Variants in LRRC4C observed in about 807,000 individuals in gnomAD.
LRRC4C encodes leucine-rich repeat-containing protein 4C.
A neutral mutation model predicts 33.6 loss-of-function variants in LRRC4C; 5 were observed. The observed-to-expected ratio is 0.15, with a 90% CI of 0.08 to 0.31. The LOEUF (loss-of-function observed/expected upper bound fraction) is 0.31. Among genes scored for constraint, LRRC4C ranks in the 10% least tolerant of loss-of-function variants. LRRC4C has a pLI of 1.00. For missense variants in LRRC4C, 560 were observed against 796.7 expected, an observed-to-expected ratio of 0.70 and a Z score of 3.58; for synonymous variants, 329 against 302.0, an observed-to-expected ratio of 1.09 and a Z score of -0.93.
intron 3 of LRRC4C, among the ~76,000 whole-genome samples, chr11:40,369,540 C>A (rs1354962749): frequency 2.6e-5 from 4 of 152,134 alleles, no homozygotes; most frequent in Admixed American, 1.3e-4. Flanking sequence ...GTTTCTTCAT[C>A]TTGGTCAGGC....
intron 1 of LRRC4C, among the ~76,000 whole-genome samples, chr11:41,444,637 G>A (rs1018200601): frequency 6.6e-6 from 1 of 152,118 alleles, no homozygotes; most frequent in Non-Finnish European, 1.5e-5. Flanking sequence ...TTAATAGTTG[G>A]TCTGCATGAA....
intron 1 of LRRC4C, among the ~76,000 whole-genome samples, chr11:41,380,815 T>A (rs1387538810): frequency 1.3e-5 from 2 of 152,230 alleles, no homozygotes; most frequent in African/African-American, 4.8e-5. Flanking sequence ...AATAGTAGTC[T>A]GTCTGTCTGT....
At chr11:41,320,737 G>A (rs1000019555) in intron 1 of LRRC4C, among the ~76,000 whole-genome samples, 7 of 152,022 alleles carry the variant, frequency 4.6e-5, no homozygotes, top group African/African-American at 1.7e-4. Context: ...CTATTTATTT[G>A]CATGTATCAA....
chr11:40,257,542 C>A (rs148715455), intron 4 of LRRC4C, among the ~76,000 whole-genome samples: 2 of 152,114 alleles, frequency 1.3e-5, no homozygotes, highest in African/African-American at 4.8e-5. Flanking sequence ...CTTGATGCAG[C>A]CCCGAAGAGT....
intron 3 of LRRC4C, among the ~76,000 whole-genome samples, chr11:40,403,325 T>TTTACTATAA (rs1949833552): frequency 1.3e-5 from 2 of 152,134 alleles, no homozygotes; most frequent in Non-Finnish European, 2.9e-5. Flanking sequence ...CCAAGTTAGT[T>TTTACTATAA]AGTCAAAGCT....
At chr11:40,578,658 G>T (rs941471016) in intron 3 of LRRC4C, among the ~76,000 whole-genome samples, 2 of 152,036 alleles carry the variant, frequency 1.3e-5, no homozygotes, top group African/African-American at 4.8e-5. Context: ...ATACTAACTG[G>T]AACACAGACC....
At chr11:41,396,780 C>T (rs965915054) in intron 1 of LRRC4C, among the ~76,000 whole-genome samples, 16 of 151,796 alleles carry the variant, frequency 1.1e-4, no homozygotes, top group East Asian at 3.9e-4. Flanking sequence ...GAAACAGGCA[C>T]GGGCAAAGAT....
chr11:40,162,654 T>C (rs1190078513), intron 5 of LRRC4C, among the ~76,000 whole-genome samples: 1 of 152,196 alleles, frequency 6.6e-6, no homozygotes, highest in Non-Finnish European at 1.5e-5. Context: ...TGTTTCCTTG[T>C]TTTGTTGTTG....
chr11:41,147,549 C>T (rs1421239107), intron 1 of LRRC4C, among the ~76,000 whole-genome samples: 4 of 152,156 alleles, frequency 2.6e-5, no homozygotes, highest in Non-Finnish European at 1.5e-5. Context: ...AGAGACATGA[C>T]CTTTCAAGCT....
At chr11:40,906,773 C>A (rs572846102) in intron 2 of LRRC4C, among the ~76,000 whole-genome samples, 7 of 151,792 alleles carry the variant, frequency 4.6e-5, no homozygotes, top group African/African-American at 1.7e-4. Context: ...TGTTTAATTT[C>A]TATATGTACG....
Position 40,454,000 on chromosome 11 carries a change from A to T in LRRC4C, c.-269-134279T>A, listed in dbSNP as rs527819101. ...AATAGTATAGCTACAAACAGCAAAG[A>T]CCTGTAGTTGAGTAAGGTTATCTGT... On this transcript the variant is annotated intron_variant, in intron 3 of 6. Transcript: ENST00000528697. 2.6e-5 allele frequency among the ~76,000 whole-genome samples: 4 copies of T among 152,244 alleles called. No individual in the cohort carries two copies. The South Asian group carries it at 6.2e-4, about 24-fold the overall frequency.
intron 3 of LRRC4C, among the ~76,000 whole-genome samples, chr11:40,516,656 G>C (rs1159366060): frequency 6.6e-6 from 1 of 151,994 alleles, no homozygotes; most frequent in African/African-American, 2.4e-5. Context: ...AAAGCACCAT[G>C]CAAGAAGTGA....
intron 1 of LRRC4C, among the ~76,000 whole-genome samples, chr11:40,952,888 ACACACACACTCTCTCTCTCTCT>A (rs1958775621): frequency 1.8e-5 from 1 of 55,104 alleles, no homozygotes; most frequent in Admixed American, 1.8e-4. Context: ...ACACACACAC[ACACACACACTCTCTCTCTCTCT>A]CTCTCTCTCT....
chr11:41,256,546 G>A (rs1948806955), intron 1 of LRRC4C, among the ~76,000 whole-genome samples: 1 of 151,944 alleles, frequency 6.6e-6, no homozygotes, highest in African/African-American at 2.4e-5. Flanking sequence ...AGCAAACCCA[G>A]AGATTAATTT....
intron 1 of LRRC4C, among the ~76,000 whole-genome samples, chr11:40,967,305 A>G (rs774429865): frequency 1.3e-4 from 20 of 152,018 alleles, no homozygotes; most frequent in Non-Finnish European, 2.5e-4. Flanking sequence ...ATGAATAAAT[A>G]GTAGGCTTGA....
intron 1 of LRRC4C, among the ~76,000 whole-genome samples, chr11:41,296,112 T>C (rs142239911): frequency 1.7e-3 from 262 of 152,282 alleles, no homozygotes; most frequent in African/African-American, 5.9e-3. Flanking sequence ...ATTTCCTACA[T>C]TATATTTTAC....
rs558192001 is a variant in LRRC4C at position 41,027,357 on chromosome 11, T to C, written c.-495-93634A>G. Among the ~76,000 whole-genome samples, 7 of 151,750 alleles carry C rather than the reference T, an allele frequency of 4.6e-5. No individual in the cohort carries two copies. In the South Asian group the frequency reaches 1.2e-3, roughly 27 times the overall value. ...TTAGAGTTGACAGGTACCAAAGGAA[T>C]AGCAAATGCTCCATTTTCTGACTCA... On this transcript the variant is annotated intron_variant, in intron 1 of 6. Coordinates refer to ENST00000528697, the MANE Select transcript of LRRC4C (RefSeq NM_001258419.2).
chr11:41,198,045 G>T (rs1160043214), intron 1 of LRRC4C, among the ~76,000 whole-genome samples: 2 of 151,474 alleles, frequency 1.3e-5, no homozygotes, highest in African/African-American at 4.8e-5. Context: ...TAAACCTTCT[G>T]TGAATAAAAA....
At chr11:40,326,651 C>CA (rs1333931792) in intron 3 of LRRC4C, among the ~76,000 whole-genome samples, 1 of 151,350 alleles carries the variant, frequency 6.6e-6, no homozygotes, top group African/African-American at 2.4e-5. Context: ...CAAGGACGAA[C>CA]AAAAAAACAT....
Sources: allele counts gnomAD v4.1 joint callset (sites outside exome capture counted in the v4.1 genomes callset), GRCh38; gene constraint gnomAD v4.1.1; transcripts MANE v1.5; gene names NCBI Gene and HGNC (gene_info 2026-07-23, HGNC 2026-07-21).